The following DOCK7 variants were observed in gnomAD, a reference collection of about 807,000 sequenced individuals.
DOCK7 encodes dedicator of cytokinesis protein 7.
A neutral mutation model predicts 271.0 loss-of-function variants in DOCK7; 138 were observed. The observed-to-expected ratio is 0.51, with a 90% CI of 0.44 to 0.59. The LOEUF (loss-of-function observed/expected upper bound fraction) is 0.59, where lower values mean the gene tolerates loss of function less well. Ranked by LOEUF, DOCK7 falls within the 20% of genes least tolerant of loss-of-function variation. DOCK7 has a pLI of 0.00. For synonymous variants in DOCK7, 823 were observed against 876.1 expected (o/e 0.94, Z 1.07); for missense variants, 2,066 against 2,592.4 (o/e 0.80, Z 4.41).
rs1658599800 is a variant in DOCK7 at position 62,661,014 on chromosome 1, A to C, written c.144+2011T>G. 2.0e-5 allele frequency among the ~76,000 whole-genome samples: 3 copies of C among 152,092 alleles called. No individual in the cohort carries two copies. The South Asian group carries it at 6.2e-4, about 32-fold the overall frequency. On this transcript the variant is annotated intron_variant, in intron 2 of 49. Transcript: ENST00000635253. ...CTCAGGAGGCTGATATGGGAGGATC[A>C]CTTGAGCCTGGAAGGTCAAGGCTAT...
chr1:62,553,837 G>T (rs773997441), intron 21 of DOCK7, among the ~76,000 whole-genome samples: 1 of 122,018 alleles, frequency 8.2e-6, no homozygotes, highest in Non-Finnish European at 2.0e-5. Context: ...ACACACAGAC[G>T]TGTGCGTGCG....
chr1:62,482,147 G>A (rs746615994), intron 43 of DOCK7: 10 of 152,078 alleles, frequency 6.6e-5, no homozygotes, highest in Non-Finnish European at 1.0e-4. Context: ...CATTTTTTGA[G>A]TACTTACTAT....
intron 31 of DOCK7, among the ~76,000 whole-genome samples, chr1:62,526,220 T>C (rs1303944379): frequency 6.6e-6 from 1 of 152,178 alleles, no homozygotes; most frequent in Non-Finnish European, 1.5e-5. Context: ...GAATTACAGG[T>C]GTGTGCCACT....
intron 11 of DOCK7, among the ~76,000 whole-genome samples, chr1:62,626,236 G>A (rs545742190): frequency 1.2e-4 from 19 of 152,170 alleles, no homozygotes; most frequent in South Asian, 8.3e-4. Context: ...AGCAGTGCTC[G>A]GGGGAGGATT....
chr1:62,642,703 A>G (rs11208000), intron 7 of DOCK7, among the ~76,000 whole-genome samples: 64,049 of 152,004 alleles, frequency 0.42, 15,317 homozygotes, highest in African/African-American at 0.66. Flanking sequence ...CTCTATTACC[A>G]CAAACACAGG....
rs767000347 is a variant in DOCK7 at position 62,654,046 on chromosome 1, A to G, written c.258T>C (p.Asp86=). ...LRDLIEFPPD[D]IEVVYSPRDC... ...CCCGAGGACTATAAACAACTTCAAT[A>G]TCATCTGGAGGAAATTCAATCAAAT... Residue 86 remains aspartate (D), a synonymous_variant, in exon 3 of 50, where the codon GAT becomes GAC. Transcript: ENST00000635253. 4 of 1,613,888 alleles carry G rather than the reference A, an allele frequency of 2.5e-6. No homozygotes were observed. The highest frequency in any genetic ancestry group is 3.4e-6 in the Non-Finnish European group (4 of 1,179,922).
chr1:62,489,165 T>G (rs1646384455), intron 41 of DOCK7, 100 bp from the exon 42 acceptor site: 2 of 1,197,074 alleles, frequency 1.7e-6, no homozygotes, highest in Non-Finnish European at 2.3e-6. Flanking sequence ...GATAATACAC[T>G]GAGGCCAGAC....
chr1:62,601,532 G>A (rs1650120644), intron 14 of DOCK7, among the ~76,000 whole-genome samples: 1 of 151,544 alleles, frequency 6.6e-6, no homozygotes, highest in Non-Finnish European at 1.5e-5. Context: ...CTCCAGACTG[G>A]TGATAGAACA....
At chr1:62,670,169 T>C (rs1168129) in intron 1 of DOCK7, among the ~76,000 whole-genome samples, 149,941 of 152,302 alleles carry the variant, frequency 0.98, 73,854 homozygotes, top group Middle Eastern at 1. Flanking sequence ...CCTGAGCCTC[T>C]CACCCCCTCC....
intron 29 of DOCK7, among the ~76,000 whole-genome samples, chr1:62,534,612 C>T (rs1023127102): frequency 2.6e-5 from 4 of 152,006 alleles, no homozygotes; most frequent in African/African-American, 9.7e-5. Flanking sequence ...CAGAGTGAGA[C>T]CTATTCTCAA....
intron 14 of DOCK7, among the ~76,000 whole-genome samples, chr1:62,589,534 A>G (rs749501444): frequency 7.9e-5 from 12 of 151,626 alleles, no homozygotes; most frequent in Non-Finnish European, 1.3e-4. Context: ...CTTAAGAAAC[A>G]TTTTTTTCAA....
At chr1:62,455,864 T>C (rs1348217053) in intron 49 of DOCK7, among the ~76,000 whole-genome samples, 3 of 152,216 alleles carry the variant, frequency 2.0e-5, no homozygotes, top group African/African-American at 7.2e-5. Flanking sequence ...TTAAAAATTA[T>C]TGAGAACCCC....
rs534979371 is a variant in DOCK7 at position 62,651,723 on chromosome 1, G to A, written c.389+2002C>T. Among the ~76,000 whole-genome samples the A allele has an allele frequency of 2.0e-5, 3 of 152,150 alleles. No individual in the cohort carries two copies. The South Asian group carries it at 6.2e-4, about 32-fold the overall frequency. ...ATGCACATTATTCTCATGTATGTAA[G>A]TGTATTCTTTACACTTACAGATCTT... On this transcript the variant is annotated intron_variant, in intron 4 of 49. Transcript: ENST00000635253.
chr1:62,635,015 A>T (rs1571852006), intron 8 of DOCK7, 93 bp from the exon 9 acceptor site: 3 of 701,784 alleles, frequency 4.3e-6, no homozygotes, highest in Non-Finnish European at 6.7e-6. Flanking sequence ...TACTTTTAGA[A>T]CTCTTTCAAT....
intron 14 of DOCK7, chr1:62,609,625 A>C (rs963947568): frequency 1.3e-5 from 2 of 152,192 alleles, no homozygotes; most frequent in East Asian, 3.9e-4. Flanking sequence ...TTAAGTAAAT[A>C]ATCTCTACAA....
chr1:62,488,920 A>T lies in DOCK7; in HGVS notation c.5493+14T>A. ...TTTTCCCTTTATAGTGAAGCTAGAA[A>T]TTGGAATCATTACCTGATGAACAAT... On this transcript the variant is annotated intron_variant, in intron 42 of 49. Coordinates refer to ENST00000635253, the MANE Select transcript of DOCK7 (RefSeq NM_001367561.1). The T allele has an allele frequency of 6.2e-7, 1 of 1,613,624 alleles. No homozygotes were observed. The highest frequency in any genetic ancestry group is 8.5e-7 in the Non-Finnish European group (1 of 1,179,746).
Position 62,556,833 on chromosome 1 carries a change from T to C in DOCK7, c.2432-844A>G, listed in dbSNP as rs117115625. Among the ~76,000 whole-genome samples the C allele has an allele frequency of 7.2e-4, 109 of 152,258 alleles. No homozygotes were observed. In the East Asian group the frequency reaches 0.019, roughly 27 times the overall value. On this transcript the variant is annotated intron_variant, in intron 20 of 49. Coordinates refer to ENST00000635253, the MANE Select transcript of DOCK7 (RefSeq NM_001367561.1). ...GGTCATTTAGGAAGATTAATCTATA[T>C]ATACTGAACTAGAGGGGAAAGAGAC...
intron 35 of DOCK7, among the ~76,000 whole-genome samples, chr1:62,506,949 A>AAAATAAAT (rs375137004): frequency 0.49 from 67,775 of 138,356 alleles, 17,975 homozygotes; most frequent in East Asian, 0.68. Flanking sequence ...CTCCACCTCA[A>AAAATAAAT]AAATAAATAA....
At chr1:62,500,243 TC>T (rs1282134476) in intron 37 of DOCK7, among the ~76,000 whole-genome samples, 29 of 152,160 alleles carry the variant, frequency 1.9e-4, no homozygotes, top group Non-Finnish European at 3.7e-4. Context: ...TATGAAGACA[TC>T]TTTAGAATAA....
Sources: gnomAD v4.1 joint callset for allele counts (sites outside exome capture counted in the v4.1 genomes callset) on GRCh38, gnomAD v4.1.1 for gene constraint, MANE v1.5 for transcripts, NCBI Gene and HGNC (gene_info 2026-07-23, HGNC 2026-07-21) for gene names.